The following SLC46A1 variants were observed in gnomAD, a reference collection of about 807,000 sequenced individuals.
SLC46A1 encodes the protein proton-coupled folate transporter.
In SLC46A1, 17 loss-of-function variants were observed where a neutral mutation model predicts 32.1. The ratio of observed to expected loss-of-function variants is 0.53; its 90% confidence interval spans 0.36 to 0.79. The LOEUF (loss-of-function observed/expected upper bound fraction) is 0.79. Among genes scored for constraint, SLC46A1 ranks in the 30% least tolerant of loss-of-function variants. The pLI is 0.00. For missense variants in SLC46A1, 517 were observed against 588.2 expected (o/e 0.88, Z 1.25); for synonymous variants, 240 against 262.7 (o/e 0.91, Z 0.84).
At position 28,396,167 on chromosome 17, in the gene SLC46A1, G is replaced by A. The variant is rs1460394367; in HGVS notation, c.*3489C>T. 8 of 1,613,784 alleles carry A rather than the reference G, an allele frequency of 5.0e-6. No homozygotes were observed. Among genetic ancestry groups the A allele is most frequent in the Non-Finnish European group, 3.4e-6 (4 of 1,179,880 alleles). On this transcript the variant is annotated 3_prime_UTR_variant, in exon 5 of 5. Coordinates refer to ENST00000612814, the MANE Select transcript of SLC46A1 (RefSeq NM_080669.6). Reference sequence around the variant, plus strand: ...CTCCTGTGCCCACAGGTGGTCCCACGAATACCAGGAGGCCACCATTGAGAA... The same window carrying A: ...CTCCTGTGCCCACAGGTGGTCCCACAAATACCAGGAGGCCACCATTGAGAA...
In SLC46A1 at chr17:28,405,721, C is replaced by A. The variant is rs549841489; in HGVS notation, c.228+166G>T. 868 of 973,774 alleles carry A rather than the reference C, an allele frequency of 8.9e-4. 1 individual carries two copies. Among genetic ancestry groups the A allele is most frequent in the Middle Eastern group, 1.3e-3 (4 of 3,070 alleles). The allele number at this position is 973,774 out of a possible 1,614,324, so 60.3% of individuals were successfully genotyped here. A position where few individuals can be genotyped will look rare whatever the true frequency, so the allele number is the denominator to read the frequency against. Reference sequence around the variant, plus strand: ...TTAGCTCAGCTTTTCGCATCCCACCCGCTGAGGTTCTCGGTCAGGCCCCTT... The same window carrying A: ...TTAGCTCAGCTTTTCGCATCCCACCAGCTGAGGTTCTCGGTCAGGCCCCTT... On this transcript the variant is annotated intron_variant, in intron 1 of 4. Coordinates refer to ENST00000612814, the MANE Select transcript of SLC46A1 (RefSeq NM_080669.6).
chr17:28,403,908 A>C (rs2068224388), intron 2 of SLC46A1: 1 of 152,678 alleles, frequency 6.5e-6, no homozygotes, highest in Admixed American at 6.5e-5. Flanking sequence ...CAGCTACTAG[A>C]GAGGCCAAGG....
chr17:28,395,740 T>C lies in SLC46A1; in HGVS notation c.*3916A>G. On this transcript the variant is annotated 3_prime_UTR_variant, in exon 5 of 5. Transcript: ENST00000612814. ...CTCTGGGCAAAGGAAAAATATTTATTTTTTATTACACTACAAGGGTTAAGG... is the reference window on the plus strand; with the variant it reads ...CTCTGGGCAAAGGAAAAATATTTATCTTTTATTACACTACAAGGGTTAAGG... The C allele has an allele frequency of 1.5e-6, 1 of 673,762 alleles. No individual in the cohort carries two copies. Among genetic ancestry groups the C allele is most frequent in the Non-Finnish European group, 2.5e-6 (1 of 401,296 alleles). 41.7% of individuals were successfully genotyped at this position (673,762 alleles called of 1,614,324 possible). A position where few individuals can be genotyped will look rare whatever the true frequency, so the allele number is the denominator to read the frequency against.
rs377473845 is a variant in SLC46A1 at position 28,405,670 on chromosome 17, C to G, written c.229-202G>C. On this transcript the variant is annotated intron_variant, in intron 1 of 4. Transcript: ENST00000612814. Reference sequence around the variant, plus strand: ...CCCCATTCCCTTTCCTTTCCCCCCCCTTTTGTTAACCTGCAAGGCCAGACT... The same window carrying G: ...CCCCATTCCCTTTCCTTTCCCCCCCGTTTTGTTAACCTGCAAGGCCAGACT... 8.0e-4 allele frequency: 779 copies of G among 971,576 alleles called. 1 individual carries two copies. Among genetic ancestry groups the G allele is most frequent in the Non-Finnish European group, 1.0e-3 (693 of 673,848 alleles). 60.2% of individuals were successfully genotyped at this position (971,576 alleles called of 1,614,324 possible).
chr17:28,404,820 G>T lies in SLC46A1; in HGVS notation c.877C>A (p.Leu293Ile). The T allele has an allele frequency of 6.2e-7, 1 of 1,614,008 alleles. No individual in the cohort carries two copies. The highest frequency in any genetic ancestry group is 8.5e-7 in the Non-Finnish European group (1 of 1,179,898). ...GAQDILTLYE[L>I]STPLCWDSKL... ...GAGTCCCAGCAGAGGGGTGTGCTTAGTTCATAAAGGGTTAAGATGTCCTGG... is the reference window on the plus strand; with the variant it reads ...GAGTCCCAGCAGAGGGGTGTGCTTATTTCATAAAGGGTTAAGATGTCCTGG... The change falls in exon 2 of 5, where the codon CTA (leucine) becomes ATA (isoleucine). Residue 293 changes from leucine to isoleucine, a missense_variant. Physicochemically the swap from Leu to Ile is conservative, Grantham distance 5. Transcript: ENST00000612814.
chr17:28,395,619 A>AC lies in SLC46A1; in HGVS notation c.*4036dup, dbSNP rs1555587596. On this transcript the variant is annotated 3_prime_UTR_variant, in exon 5 of 5. Transcript: ENST00000612814. ...AAACTATCTAGGCTACCCCCATAGC[A>AC]CCCCCCGGGCCCCCAGTGGGGAATC... 3 of 358,152 alleles carry AC rather than the reference A, an allele frequency of 8.4e-6. No homozygotes were observed. The highest frequency in any genetic ancestry group is 2.1e-5 in the African/African-American group (1 of 48,332). The allele number at this position is 358,152 out of a possible 1,614,324, so 22.2% of individuals were successfully genotyped here. A position where few individuals can be genotyped will look rare whatever the true frequency, so the allele number is the denominator to read the frequency against.
At chr17:28,406,232 C>T (rs1011891668), upstream of SLC46A1, 2 of 769,220 alleles carry the variant, frequency 2.6e-6, no homozygotes, top group Non-Finnish European at 3.6e-6. The surrounding 1 kb of genome is among the most constrained non-coding windows in gnomAD (Gnocchi z 4.5). Context: ...CCCGGCGTCC[C>T]TCCTTAAATG....
Position 28,399,634 on chromosome 17 carries a change from T to G in SLC46A1, c.*22A>C, listed in dbSNP as rs782258219. On this transcript the variant is annotated 3_prime_UTR_variant, in exon 5 of 5. Coordinates refer to ENST00000612814, the MANE Select transcript of SLC46A1 (RefSeq NM_080669.6). ...GGTGTTCACTTTGCTCCTCTTGCCCTCTGTCTTCTGGTCCAGGCAGATCAG... is the reference window on the plus strand; with the variant it reads ...GGTGTTCACTTTGCTCCTCTTGCCCGCTGTCTTCTGGTCCAGGCAGATCAG... 6.8e-6 allele frequency: 11 copies of G among 1,613,878 alleles called. No individual in the cohort carries two copies. In the South Asian group the frequency reaches 1.2e-4, roughly 18 times the overall value.
intron 3 of SLC46A1, 92 bp from the exon 4 acceptor site, chr17:28,400,858 T>G (rs1433562941): frequency 2.6e-6 from 3 of 1,160,234 alleles, no homozygotes; most frequent in Non-Finnish European, 3.8e-6. Flanking sequence ...CCGGGAGTAG[T>G]CACTTAACCT....
chr17:28,398,842 C>T lies in SLC46A1; in HGVS notation c.*814G>A, dbSNP rs782613700. The T allele has an allele frequency of 2.6e-5, 4 of 152,226 alleles. No homozygotes were observed. Among genetic ancestry groups the T allele is most frequent in the Non-Finnish European group, 2.9e-5 (2 of 68,066 alleles). The allele number at this position is 152,226 out of a possible 1,614,324, so 9.4% of individuals were successfully genotyped here. On this transcript the variant is annotated 3_prime_UTR_variant, in exon 5 of 5. Coordinates refer to ENST00000612814, the MANE Select transcript of SLC46A1 (RefSeq NM_080669.6). ...CAATTTGGGGCATTGCTGATCTAGC[C>T]GTTCCTAGTGGGGCTTGCTCAAGGT...
Position 28,396,802 on chromosome 17 carries a change from C to A in SLC46A1, c.*2854G>T, listed in dbSNP as rs561300818. The A allele has an allele frequency of 5.7e-5, 9 of 156,762 alleles. No individual in the cohort carries two copies. Among genetic ancestry groups the A allele is most frequent in the African/African-American group, 1.9e-4 (8 of 41,620 alleles). 9.7% of individuals were successfully genotyped at this position (156,762 alleles called of 1,614,324 possible). A position where few individuals can be genotyped will look rare whatever the true frequency, so the allele number is the denominator to read the frequency against. On this transcript the variant is annotated 3_prime_UTR_variant, in exon 5 of 5. Coordinates refer to ENST00000612814, the MANE Select transcript of SLC46A1 (RefSeq NM_080669.6). The stretch of plus-strand genomic sequence containing the variant: ...TGGCCCCTGCACTTACAACTTCCTG[C>A]CGCTCTGTGGCCTTGCCCTGTAATC...
chr17:28,395,873 G>A lies in SLC46A1; in HGVS notation c.*3783C>T. 2 of 1,611,722 alleles carry A rather than the reference G, an allele frequency of 1.2e-6. No homozygotes were observed. The highest frequency in any genetic ancestry group is 8.5e-7 in the Non-Finnish European group (1 of 1,179,786). On this transcript the variant is annotated 3_prime_UTR_variant, in exon 5 of 5. Coordinates refer to ENST00000612814, the MANE Select transcript of SLC46A1 (RefSeq NM_080669.6). ...TACAAGGGTCCCTAGATGGGTACAGGGGTATCTTCCTCCTTTCCTTTCTTT... is the reference window on the plus strand; with the variant it reads ...TACAAGGGTCCCTAGATGGGTACAGAGGTATCTTCCTCCTTTCCTTTCTTT...
Position 28,400,122 on chromosome 17 carries a change from C to T in SLC46A1, c.1323-409G>A, listed in dbSNP as rs1042531127. On this transcript the variant is annotated intron_variant, in intron 4 of 4. Transcript: ENST00000612814. ...GTTGCCCAGGCTGATCTTGAATTCC[C>T]GGGCTCAAGTGGTCCTCCTGCCTCA... 6.0e-5 allele frequency: 14 copies of T among 232,680 alleles called. 1 individual carries two copies. Among genetic ancestry groups the T allele is most frequent in the South Asian group, 3.9e-4 (6 of 15,386 alleles). 14.4% of individuals were successfully genotyped at this position (232,680 alleles called of 1,614,324 possible). A position where few individuals can be genotyped will look rare whatever the true frequency, so the allele number is the denominator to read the frequency against.
At position 28,396,653 on chromosome 17, in the gene SLC46A1, G is replaced by C. The variant is rs562433674; in HGVS notation, c.*3003C>G. 4.5e-4 allele frequency: 104 copies of C among 232,578 alleles called. No individual in the cohort carries two copies. Among genetic ancestry groups the C allele is most frequent in the African/African-American group, 2.3e-3 (101 of 44,358 alleles). The allele number at this position is 232,578 out of a possible 1,614,324, so 14.4% of individuals were successfully genotyped here. A position where few individuals can be genotyped will look rare whatever the true frequency, so the allele number is the denominator to read the frequency against. The stretch of plus-strand genomic sequence containing the variant: ...GTCAGCTTGAGGAGGATGACGGAAG[G>C]CAGCCTCAGACAGGAATTAAGGCAA... On this transcript the variant is annotated 3_prime_UTR_variant, in exon 5 of 5. Transcript: ENST00000612814.
rs1468285284 is a variant in SLC46A1, at chr17:28,406,206, G to C, written c.-92C>G. ...CAGCGACGCGTGGCGTGGGGCTTGC[G>C]CTGTCTGCGCCTGCGCCCGGCGTCC... On this transcript the variant is annotated 5_prime_UTR_variant, in exon 1 of 5. Coordinates refer to ENST00000612814, the MANE Select transcript of SLC46A1 (RefSeq NM_080669.6). This position sits in a 1 kb window ranked among gnomAD's most constrained non-coding sequence, Gnocchi z 4.5. 1.0e-6 allele frequency: 1 copy of C among 1,001,788 alleles called. No individual in the cohort carries two copies. The highest frequency in any genetic ancestry group is 1.3e-6 in the Non-Finnish European group (1 of 762,956). The allele number at this position is 1,001,788 out of a possible 1,614,324, so 62.1% of individuals were successfully genotyped here.
chr17:28,406,359 T>C (rs1344437802), upstream of SLC46A1: 1 of 403,318 alleles, frequency 2.5e-6, no homozygotes, highest in Non-Finnish European at 4.3e-6. The surrounding 1 kb of genome is among the most constrained non-coding windows in gnomAD (Gnocchi z 4.5). Flanking sequence ...ACCTCACCTG[T>C]AAAGTGTGCG....
Position 28,399,536 on chromosome 17 carries a change from G to A in SLC46A1, c.*120C>T, listed in dbSNP as rs782230226. 3.0e-6 allele frequency: 3 copies of A among 994,004 alleles called. No individual in the cohort carries two copies. Among genetic ancestry groups the A allele is most frequent in the Admixed American group, 4.1e-5 (2 of 49,224 alleles). The allele number at this position is 994,004 out of a possible 1,614,324, so 61.6% of individuals were successfully genotyped here. A position where few individuals can be genotyped will look rare whatever the true frequency, so the allele number is the denominator to read the frequency against. ...CTCTCTTGACTACCTCGTCCAAAGA[G>A]AGCACTGCCCTTAGACAAGAGTTGC... On this transcript the variant is annotated 3_prime_UTR_variant, in exon 5 of 5. Coordinates refer to ENST00000612814, the MANE Select transcript of SLC46A1 (RefSeq NM_080669.6).
At position 28,404,804 on chromosome 17, in the gene SLC46A1, C is replaced by A. The variant is rs369228677; in HGVS notation, c.893G>T (p.Cys298Phe). The change falls in exon 2 of 5, where the codon TGC becomes TTC. Residue 298 changes from cysteine to phenylalanine, a missense_variant. Transcript: ENST00000612814. Reference sequence around the variant, plus strand: ...ATAGCCGATTAGTTTGGAGTCCCAGCAGAGGGGTGTGCTTAGTTCATAAAG... The same window carrying A: ...ATAGCCGATTAGTTTGGAGTCCCAGAAGAGGGGTGTGCTTAGTTCATAAAG... ...LTLYELSTPL[C>F]WDSKLIGYGS... 1 of 1,613,860 alleles carries A rather than the reference C, an allele frequency of 6.2e-7. No individual in the cohort carries two copies. The highest frequency in any genetic ancestry group is 8.5e-7 in the Non-Finnish European group (1 of 1,179,904).
chr17:28,402,942 ATATCTT>A (rs1441514184), intron 2 of SLC46A1: 1 of 152,300 alleles, frequency 6.6e-6, no homozygotes, highest in Non-Finnish European at 1.5e-5. Flanking sequence ...GCCGTCACAC[ATATCTT>A]TATAAGAGGA....
Sources: allele counts gnomAD v4.1 joint callset, GRCh38; gene constraint gnomAD v4.1.1; non-coding constraint Gnocchi (gnomAD v3.1); transcripts MANE v1.5; gene names NCBI Gene and HGNC (gene_info 2026-07-23, HGNC 2026-07-21).